NEB: variants seen among roughly 807,000 people sequenced by gnomAD.
NEB encodes the protein nebulin.
A neutral mutation model predicts 952.2 loss-of-function variants in NEB; 512 were observed. That is an observed-to-expected ratio of 0.54 (90% CI 0.50 to 0.58). The LOEUF is 0.58. Among genes scored for constraint, NEB ranks in the 20% least tolerant of loss-of-function variants. The probability of loss-of-function intolerance (pLI) is 0.00; values close to 1 mark genes in which losing one functional copy is unlikely to be tolerated. For missense variants in NEB, 8,428 were observed against 9,231.1 expected (o/e 0.91, Z 3.56); for synonymous variants, 2,900 against 3,149.8 (o/e 0.92, Z 2.66).
At chr2:151,504,406 AGTT>A in intron 165 of NEB, among the ~76,000 whole-genome samples, 1 of 152,332 alleles carries the variant, frequency 6.6e-6, no homozygotes, top group East Asian at 1.9e-4. Context: ...AAAACCAAGA[AGTT>A]GTAATGCAAA....
rs572663193 is a variant in NEB, at chr2:151,697,798, G to A, written c.1153-150C>T. Reference sequence around the variant, plus strand: ...ACTGACAATTGAGGCCAGGTGCGGCGGCTCACGCCTGTAATCCCAGCACTT... The same window carrying A: ...ACTGACAATTGAGGCCAGGTGCGGCAGCTCACGCCTGTAATCCCAGCACTT... On this transcript the variant is annotated intron_variant, in intron 13 of 181. Coordinates refer to ENST00000397345, the MANE Select transcript of NEB (RefSeq NM_001164508.2). 265 of 607,014 alleles carry A rather than the reference G, an allele frequency of 4.4e-4. 2 individuals carry two copies. In the South Asian group the frequency reaches 5.4e-3, roughly 12 times the overall value. The allele number at this position is 607,014 out of a possible 1,614,324, so 37.6% of individuals were successfully genotyped here.
intron 181 of NEB, chr2:151,486,476 G>C (rs2050491629): frequency 6.5e-6 from 1 of 153,660 alleles, no homozygotes; most frequent in Admixed American, 6.4e-5. Flanking sequence ...ATTACCCTAT[G>C]GCCCAGCAAA....
Position 151,670,777 on chromosome 2 carries a change from T to G in NEB, c.4506+246A>C, listed in dbSNP as rs141807057. ...TGTATAATGCGTATCTGCTTATGAA[T>G]AGCACAGGCTCTCTACATTTGGAAA... On this transcript the variant is annotated intron_variant, in intron 38 of 181. Transcript: ENST00000397345. Among the ~76,000 whole-genome samples, 107 of 152,374 alleles carry G rather than the reference T, an allele frequency of 7.0e-4. 1 individual carries two copies. The highest frequency in any genetic ancestry group is 9.8e-4 in the Non-Finnish European group (67 of 68,042).
intron 173 of NEB, 126 bp from the exon 174 acceptor site, chr2:151,494,379 A>G (rs1194376388): frequency 4.5e-6 from 3 of 670,210 alleles, no homozygotes; most frequent in South Asian, 3.5e-5. Context: ...ATTAGGTTAG[A>G]TGGAAAGTAG....
intron 44 of NEB, 33 bp from the exon 45 acceptor site, chr2:151,663,892 A>G: frequency 6.3e-7 from 1 of 1,581,252 alleles, no homozygotes; most frequent in Non-Finnish European, 8.7e-7. Flanking sequence ...GGTGATGAAA[A>G]TGGTAAAAGA....
At position 151,575,698 on chromosome 2, in the gene NEB, G is replaced by T. The variant is rs1578230471; in HGVS notation, c.17010C>A (p.Ser5670Arg). 1.3e-6 allele frequency: 2 copies of T among 1,578,940 alleles called. No homozygotes were observed. The highest frequency in any genetic ancestry group is 1.3e-5 in the African/African-American group (1 of 74,270). ...NLARANALNV[S>R]NKLYREGWDE... is the part of the protein sequence containing the mutation. ...GAGAGTCTGTTGTAGTACTTACATT[G>T]CTCACATTAAGAGCATTTGCTCTAG... Residue 5670 changes from serine (S) to arginine (R), a missense_variant, in exon 107 of 182, where the codon AGC (serine) becomes AGA (arginine). Around this residue, in one of 11 missense-constraint regions of NEB, gnomAD observed 3,374 missense variants for 3,651.5 expected, o/e 0.92. Transcript: ENST00000397345.
chr2:151,567,858 G>T (rs143761216), intron 113 of NEB, among the ~76,000 whole-genome samples: 35 of 152,106 alleles, frequency 2.3e-4, no homozygotes, highest in Non-Finnish European at 7.4e-5. Flanking sequence ...AAAGCCAAGG[G>T]GGGTGGTGGG....
intron 35 of NEB, 63 bp from the exon 36 acceptor site, chr2:151,674,647 T>C (rs776495835): frequency 1.3e-5 from 16 of 1,275,578 alleles, no homozygotes; most frequent in Non-Finnish European, 1.8e-5. Context: ...CTGGGATTGT[T>C]TTGTTCTTTT....
Position 151,555,059 on chromosome 2 carries a change from T to C in NEB, c.19315-15A>G. ...CGATATTTGATCTATAGAGAATAAG[T>C]AGAAAGGAAGAAACAGTTTTAGAGA... On this transcript the variant is annotated splice_polypyrimidine_tract_variant and intron_variant, in intron 124 of 181. Coordinates refer to ENST00000397345, the MANE Select transcript of NEB (RefSeq NM_001164508.2). The C allele has an allele frequency of 6.6e-7, 1 of 1,516,470 alleles. No individual in the cohort carries two copies. The highest frequency in any genetic ancestry group is 9.2e-7 in the Non-Finnish European group (1 of 1,091,468). The allele number at this position is 1,516,470 out of a possible 1,614,324, so 93.9% of individuals were successfully genotyped here. A position where few individuals can be genotyped will look rare whatever the true frequency, so the allele number is the denominator to read the frequency against.
intron 17 of NEB, among the ~76,000 whole-genome samples, chr2:151,695,970 GTC>G (rs2099593448): frequency 6.6e-6 from 1 of 152,176 alleles, no homozygotes; most frequent in Non-Finnish European, 1.5e-5. Flanking sequence ...GCCCCGCCCT[GTC>G]TCTCTTGTCA....
intron 28 of NEB, among the ~76,000 whole-genome samples, chr2:151,683,368 A>G (rs2099444164): frequency 6.6e-6 from 1 of 152,208 alleles, no homozygotes; most frequent in Non-Finnish European, 1.5e-5. Flanking sequence ...GTTGAGGCAC[A>G]GTTACTTGAC....
At chr2:151,512,415 G>T (rs549447969) in intron 161 of NEB, among the ~76,000 whole-genome samples, 2 of 151,770 alleles carry the variant, frequency 1.3e-5, no homozygotes, top group East Asian at 1.9e-4. Context: ...AGCCTCAACC[G>T]CCTGGGCTCA....
chr2:151,659,329 C>A (rs141890163), intron 46 of NEB, among the ~76,000 whole-genome samples, 160 bp from the exon 47 acceptor site: 2 of 151,972 alleles, frequency 1.3e-5, no homozygotes, highest in African/African-American at 2.4e-5. Flanking sequence ...CAGAGTCTTG[C>A]GCTGTCACCC....
chr2:151,493,578 C>T (rs536694687), intron 175 of NEB, 133 bp from the exon 176 acceptor site: 61 of 735,930 alleles, frequency 8.3e-5, no homozygotes, highest in East Asian at 2.5e-4. Context: ...TAAAATGTTA[C>T]GGTAGGAAGC....
chr2:151,576,516 ATTTTTTTTTTTTTTT>A (rs869125440), intron 105 of NEB, among the ~76,000 whole-genome samples, 162 bp from the exon 106 acceptor site: 4 of 18,884 alleles, frequency 2.1e-4, no homozygotes, highest in East Asian at 3.1e-3. Context: ...ATATATATAT[ATTTTTTTTTTTTTTT>A]TTTTTTTTTT....
rs117240999 is a variant in NEB, at chr2:151,722,430, A to C, written c.717+952T>G. 1.8e-3 allele frequency among the ~76,000 whole-genome samples: 276 copies of C among 152,300 alleles called. 11 individuals carry two copies. In the East Asian group the frequency reaches 0.048, roughly 26 times the overall value. ...AGGTCTAGGATACCAAAATTCCGGC[A>C]AGTGGGATCACTGATTTTTCACTAA... On this transcript the variant is annotated intron_variant, in intron 9 of 181. Coordinates refer to ENST00000397345, the MANE Select transcript of NEB (RefSeq NM_001164508.2).
chr2:151,526,945 G>T lies in NEB; in HGVS notation c.21918C>A (p.Ala7306=), dbSNP rs1238688804. 1 of 1,600,790 alleles carries T rather than the reference G, an allele frequency of 6.2e-7. No individual in the cohort carries two copies. Among genetic ancestry groups the T allele is most frequent in the Non-Finnish European group, 8.5e-7 (1 of 1,172,634 alleles). ...CACTTTCTATTAAAGTATTCCTGAG[G>T]GCGAGCACCGTGTTTTTGTCATCAG... ...SVTDDKNTVL[A]LRNTLIESDL... Residue 7306 remains alanine (A), a synonymous_variant, in exon 148 of 182, where the codon GCC becomes GCA. Transcript: ENST00000397345.
At chr2:151,634,061 C>G (rs1176604535) in intron 64 of NEB, 96 bp from the exon 65 acceptor site, 13 of 1,370,886 alleles carry the variant, frequency 9.5e-6, no homozygotes, top group African/African-American at 1.5e-5. Flanking sequence ...CTTCAACTGA[C>G]TTTTGTTAAC....
rs1258108366 is a variant in NEB, at chr2:151,669,042, G to A, written c.4596C>T (p.Ala1532=). The change falls in exon 39 of 182, where the codon GCC becomes GCT. Residue 1532 remains alanine (A), a synonymous_variant. Coordinates refer to ENST00000397345, the MANE Select transcript of NEB (RefSeq NM_001164508.2). ...LPQFIQAKVN[A]LNMSDAHYKA... The stretch of plus-strand genomic sequence containing the variant: ...AAATACTCACATCACTCATGTTGAG[G>A]GCGTTGACTTTGGCTTGAATAAACT... 8.8e-6 allele frequency: 14 copies of A among 1,592,358 alleles called. No individual in the cohort carries two copies. The highest frequency in any genetic ancestry group is 1.7e-4 in the Middle Eastern group (1 of 6,028).
Sources: gnomAD v4.1 joint callset for allele counts (sites outside exome capture counted in the v4.1 genomes callset) on GRCh38, gnomAD v4.1.1 for gene constraint, gnomAD v4.1.1 regional missense constraint, MANE v1.5 for transcripts, NCBI Gene and HGNC (gene_info 2026-07-23, HGNC 2026-07-21) for gene names.